The following OR2L13 variants were observed in gnomAD, a reference collection of about 807,000 sequenced individuals.
OR2L13 encodes the protein olfactory receptor 2L13.
OR2L13 carries 14 observed loss-of-function variants against 15.3 expected under a neutral mutation model. The observed-to-expected ratio is 0.91, with a 90% CI of 0.60 to 1.43. OR2L13 has a LOEUF of 1.43. Among genes scored for constraint, OR2L13 ranks in the 40% most tolerant of loss-of-function variants. The pLI is 0.00. For synonymous variants in OR2L13, 152 were observed against 142.9 expected (o/e 1.06, Z -0.45); for missense variants, 367 against 387.9 (o/e 0.95, Z 0.45).
chr1:248,099,524 T>C, exon 3 of OR2L13: 1 of 1,614,154 alleles, frequency 6.2e-7, no homozygotes, highest in Non-Finnish European at 8.5e-7. Flanking sequence ...CTCATCCACG[T>C]GGATCCTCGT....
At chr1:247,993,858 G>A in the OR2L13 span, among the ~76,000 whole-genome samples, 1 of 151,218 alleles carries the variant, frequency 6.6e-6, no homozygotes, top group East Asian at 2.0e-4. Flanking sequence ...GAAAGAGTTT[G>A]TAAAACCAAT....
At chr1:248,045,217 T>G in the OR2L13 span, among the ~76,000 whole-genome samples, 194 of 152,334 alleles carry the variant, frequency 1.3e-3, 1 homozygote, top group Non-Finnish European at 1.9e-3. Context: ...CATTTAAAAA[T>G]GTAAAATAAA....
the OR2L13 span, among the ~76,000 whole-genome samples, chr1:248,067,749 A>T: frequency 6.6e-6 from 1 of 152,216 alleles, no homozygotes; most frequent in Non-Finnish European, 1.5e-5. Flanking sequence ...AGTCGAAGAA[A>T]GGGGTGACAG....
the OR2L13 span, among the ~76,000 whole-genome samples, chr1:247,963,437 C>G: frequency 6.6e-6 from 1 of 152,152 alleles, no homozygotes; most frequent in African/African-American, 2.4e-5. Flanking sequence ...AGGTTTCAGT[C>G]AGCTTATTTA....
chr1:247,994,215 T>C, the OR2L13 span, among the ~76,000 whole-genome samples: 122 of 151,956 alleles, frequency 8.0e-4, no homozygotes, highest in Admixed American at 1.4e-3. Flanking sequence ...GCTAACACGG[T>C]GAAAACCCCG....
chr1:248,045,645 A>AGGAATTC, the OR2L13 span: 1 of 152,226 alleles, frequency 6.6e-6, no homozygotes. Flanking sequence ...AACTTAAGAA[A>AGGAATTC]GGAATTCTTC....
chr1:248,013,457 C>T, the OR2L13 span, among the ~76,000 whole-genome samples: 1 of 152,082 alleles, frequency 6.6e-6, no homozygotes, highest in Non-Finnish European at 1.5e-5. Context: ...AGTGACTCAG[C>T]CTAGAATGTC....
At chr1:248,094,458 A>C (rs1017014276), upstream of OR2L13, among the ~76,000 whole-genome samples, 27 of 152,316 alleles carry the variant, frequency 1.8e-4, no homozygotes, top group African/African-American at 5.5e-4. Context: ...ACATCATTCT[A>C]TTTAATTATT....
chr1:248,033,300 T>G, the OR2L13 span, among the ~76,000 whole-genome samples: 3,072 of 152,296 alleles, frequency 0.02, 47 homozygotes, highest in Middle Eastern at 0.058. Flanking sequence ...TGAATGTAGA[T>G]ATCTAGTTTT....
the OR2L13 span, among the ~76,000 whole-genome samples, chr1:248,071,165 C>A: frequency 2.0e-5 from 3 of 152,128 alleles, no homozygotes; most frequent in Non-Finnish European, 4.4e-5. Context: ...CAGGCAGAGA[C>A]ACAACCGAAA....
chr1:247,999,676 A>G, the OR2L13 span, among the ~76,000 whole-genome samples: 12 of 152,180 alleles, frequency 7.9e-5, no homozygotes, highest in Admixed American at 6.5e-4. Context: ...GTGGAGAGCC[A>G]TCCTTGTCTA....
At chr1:248,085,303 T>A in the OR2L13 span, among the ~76,000 whole-genome samples, 1 of 151,440 alleles carries the variant, frequency 6.6e-6, no homozygotes, top group Non-Finnish European at 1.5e-5. Context: ...AAAAAGTCCA[T>A]CTCAAAAAAT....
chr1:248,088,506 A>C, the OR2L13 span, among the ~76,000 whole-genome samples: 1 of 152,214 alleles, frequency 6.6e-6, no homozygotes, highest in African/African-American at 2.4e-5. Context: ...TAAATAAAAT[A>C]TTGGTAAACG....
chr1:247,986,746 A>C, the OR2L13 span, among the ~76,000 whole-genome samples: 1 of 152,192 alleles, frequency 6.6e-6, no homozygotes, highest in South Asian at 2.1e-4. Flanking sequence ...ACCCATGAGC[A>C]TGGAATGTTC....
At chr1:248,067,850 A>G in the OR2L13 span, among the ~76,000 whole-genome samples, 2 of 152,012 alleles carry the variant, frequency 1.3e-5, no homozygotes, top group Admixed American at 1.3e-4. Context: ...TATATCCCAC[A>G]CCTGGCTCGG....
the OR2L13 span, chr1:247,949,256 C>T: frequency 2.5e-6 from 4 of 1,614,210 alleles, no homozygotes; most frequent in East Asian, 6.7e-5. Context: ...ACTATCTCAT[C>T]CGCATGAGCA....
chr1:248,090,972 C>T (rs1387936143), upstream of OR2L13, among the ~76,000 whole-genome samples: 2 of 151,808 alleles, frequency 1.3e-5, no homozygotes. Context: ...TTAGTAATAC[C>T]CATTCTGACT....
the OR2L13 span, chr1:247,966,075 A>T: frequency 1.2e-6 from 2 of 1,614,146 alleles, no homozygotes; most frequent in Non-Finnish European, 1.7e-6. Flanking sequence ...CAGGAAAAGG[A>T]CAGGCAAAAG....
chr1:248,059,822 T>C, the OR2L13 span, among the ~76,000 whole-genome samples: 1 of 152,036 alleles, frequency 6.6e-6, no homozygotes, highest in African/African-American at 2.4e-5. Flanking sequence ...GACAGGAGGA[T>C]TGGTGAGGCC....
Sources: allele counts gnomAD v4.1 joint callset (sites outside exome capture counted in the v4.1 genomes callset), GRCh38; gene constraint gnomAD v4.1.1; transcripts MANE v1.5; gene names NCBI Gene and HGNC (gene_info 2026-07-23, HGNC 2026-07-21).